The following CADM1 variants were observed in gnomAD, a reference collection of about 807,000 sequenced individuals.
CADM1 encodes the protein cell adhesion molecule 1, also known as TSLC-1.
CADM1 carries 15 observed loss-of-function variants against 53.1 expected under a neutral mutation model. That is an observed-to-expected ratio of 0.28 (90% CI 0.19 to 0.44). The LOEUF is 0.44. CADM1 is among the 20% of genes least tolerant of loss of function. The probability of loss-of-function intolerance (pLI) is 1.00; values close to 1 mark genes in which losing one functional copy is unlikely to be tolerated. For missense variants in CADM1, 434 were observed against 611.3 expected (o/e 0.71, Z 3.06); for synonymous variants, 281 against 243.0 (o/e 1.16, Z -1.45).
At position 115,384,853 on chromosome 11, in the gene CADM1, G is replaced by A. The variant is rs532785437; in HGVS notation, c.124+119418C>T. On this transcript the variant is annotated intron_variant, in intron 1 of 11. Transcript: ENST00000331581. ...TCCACAACTGGCATTCCACTGGCCC[G>A]TGACCTCCCTTTACCCAATCCTTGT... 4.6e-5 allele frequency among the ~76,000 whole-genome samples: 7 copies of A among 152,248 alleles called. No homozygotes were observed. The South Asian group carries it at 1.2e-3, about 27-fold the overall frequency.
chr11:115,334,880 T>G (rs568821331), intron 1 of CADM1, among the ~76,000 whole-genome samples: 1 of 152,262 alleles, frequency 6.6e-6, no homozygotes, highest in South Asian at 2.1e-4. Context: ...CAAACCAATG[T>G]CAGCCCTTTA....
intron 1 of CADM1, among the ~76,000 whole-genome samples, chr11:115,488,992 T>C (rs1209482318): frequency 6.6e-6 from 1 of 152,186 alleles, no homozygotes; most frequent in African/African-American, 2.4e-5. Context: ...TAAGAATATA[T>C]ATATCTCAGT....
chr11:115,496,467 T>C (rs1456298847), intron 1 of CADM1, among the ~76,000 whole-genome samples: 2 of 152,118 alleles, frequency 1.3e-5, no homozygotes, highest in African/African-American at 4.8e-5. Context: ...TCCAGTCCCA[T>C]CAGGATTAAG....
rs191851974 is a variant in CADM1 at position 115,174,008 on chromosome 11, A to G, written c.*2466T>C. 2.5e-4 allele frequency: 242 copies of G among 964,074 alleles called. 1 individual carries two copies. In the African/African-American group the frequency reaches 4.1e-3, roughly 16 times the overall value. The allele number at this position is 964,074 out of a possible 1,614,324, so 59.7% of individuals were successfully genotyped here. On this transcript the variant is annotated 3_prime_UTR_variant, in exon 12 of 12. Coordinates refer to ENST00000331581, the MANE Select transcript of CADM1 (RefSeq NM_001301043.2). ...CAGTGCACTGTATACTTAAGAAAAA[A>G]TACATAAACCAATATACAACTAAAA...
intron 10 of CADM1, among the ~76,000 whole-genome samples, chr11:115,181,259 T>C (rs966208933): frequency 6.6e-6 from 1 of 152,068 alleles, no homozygotes; most frequent in Non-Finnish European, 1.5e-5. Flanking sequence ...GGTATATGTA[T>C]CTGTGAGATT....
At chr11:115,419,641 G>A (rs1203428408) in intron 1 of CADM1, among the ~76,000 whole-genome samples, 3 of 152,174 alleles carry the variant, frequency 2.0e-5, no homozygotes, top group Admixed American at 6.5e-5. Flanking sequence ...GAAATTAACT[G>A]AATTCTCTAA....
intron 1 of CADM1, among the ~76,000 whole-genome samples, chr11:115,276,826 T>C (rs954507300): frequency 6.6e-6 from 1 of 152,174 alleles, no homozygotes; most frequent in Non-Finnish European, 1.5e-5. Flanking sequence ...ATCTCTACAC[T>C]AAGCCAGCAT....
At chr11:115,418,488 G>C (rs976428612) in intron 1 of CADM1, among the ~76,000 whole-genome samples, 1 of 152,034 alleles carries the variant, frequency 6.6e-6, no homozygotes, top group Non-Finnish European at 1.5e-5. Flanking sequence ...AGCCATTGGG[G>C]GTTTGCTTCA....
intron 1 of CADM1, among the ~76,000 whole-genome samples, chr11:115,327,849 T>A (rs1185074247): frequency 6.6e-6 from 1 of 152,218 alleles, no homozygotes; most frequent in Admixed American, 6.5e-5. Context: ...ACTCAATAAA[T>A]GTTAGCGCTT....
At chr11:115,314,399 C>T (rs549626518) in intron 1 of CADM1, among the ~76,000 whole-genome samples, 25 of 152,240 alleles carry the variant, frequency 1.6e-4, no homozygotes, top group East Asian at 7.7e-4. Context: ...AAAGTTCACA[C>T]GCATAAAATA....
intron 1 of CADM1, among the ~76,000 whole-genome samples, chr11:115,388,832 T>C (rs1946764271): frequency 6.6e-6 from 1 of 152,090 alleles, no homozygotes; most frequent in African/African-American, 2.4e-5. Flanking sequence ...CTAGATGCAA[T>C]ATGTAATCCT....
At chr11:115,392,588 C>A (rs1449320083) in intron 1 of CADM1, among the ~76,000 whole-genome samples, 3 of 152,226 alleles carry the variant, frequency 2.0e-5, no homozygotes, top group African/African-American at 7.2e-5. Context: ...AGGAAAACAA[C>A]CTCGCTGACA....
chr11:115,238,160 C>T (rs1049127636), intron 3 of CADM1, among the ~76,000 whole-genome samples: 2 of 152,112 alleles, frequency 1.3e-5, no homozygotes, highest in Non-Finnish European at 2.9e-5. Flanking sequence ...TAGCCCATCT[C>T]CCCTTCTCCT....
intron 10 of CADM1, among the ~76,000 whole-genome samples, chr11:115,180,931 G>A (rs1939280955): frequency 6.6e-6 from 1 of 152,172 alleles, no homozygotes; most frequent in Non-Finnish European, 1.5e-5. Context: ...AACTCTGTAT[G>A]TTTTAAAATT....
chr11:115,373,720 A>G (rs1946371159), intron 1 of CADM1, among the ~76,000 whole-genome samples: 1 of 152,128 alleles, frequency 6.6e-6, no homozygotes, highest in Non-Finnish European at 1.5e-5. Context: ...TTCGTAAAAA[A>G]TAGATCAGTG....
chr11:115,326,419 C>T (rs1365544289), intron 1 of CADM1, among the ~76,000 whole-genome samples: 1 of 152,052 alleles, frequency 6.6e-6, no homozygotes, highest in Non-Finnish European at 1.5e-5. Context: ...TCCTAAGTCA[C>T]AAAACAGCCA....
chr11:115,323,931 G>A (rs1371898502), intron 1 of CADM1, among the ~76,000 whole-genome samples: 1 of 151,400 alleles, frequency 6.6e-6, no homozygotes, highest in Non-Finnish European at 1.5e-5. Flanking sequence ...GGGCCACAAT[G>A]GACTTGGTCT....
chr11:115,408,938 T>C (rs1309995617), intron 1 of CADM1, among the ~76,000 whole-genome samples: 2 of 152,222 alleles, frequency 1.3e-5, no homozygotes, highest in Non-Finnish European at 1.5e-5. Context: ...AATCCGGTAA[T>C]ATGAAATAAA....
chr11:115,405,837 T>C (rs549406489), intron 1 of CADM1, among the ~76,000 whole-genome samples: 15 of 152,196 alleles, frequency 9.9e-5, no homozygotes, highest in Admixed American at 5.2e-4. Context: ...GGACATGGGA[T>C]TGATAAACAG....
Sources: allele counts gnomAD v4.1 joint callset (sites outside exome capture counted in the v4.1 genomes callset), GRCh38; gene constraint gnomAD v4.1.1; transcripts MANE v1.5; gene names NCBI Gene and HGNC (gene_info 2026-07-23, HGNC 2026-07-21).